The following ALDH18A1 variants were observed in gnomAD, a reference collection of about 807,000 sequenced individuals.
ALDH18A1 encodes delta-1-pyrroline-5-carboxylate synthase.
A neutral mutation model predicts 88.8 loss-of-function variants in ALDH18A1; 44 were observed. The ratio of observed to expected loss-of-function variants is 0.50; its 90% CI spans 0.39 to 0.64. The LOEUF (loss-of-function observed/expected upper bound fraction) is 0.64. Among genes scored for constraint, ALDH18A1 ranks in the 30% least tolerant of loss-of-function variants. ALDH18A1 has a pLI of 0.00. For synonymous variants in ALDH18A1, 331 were observed against 372.1 expected, an observed-to-expected ratio of 0.89 and a Z score of 1.27; for missense variants, 782 against 1,009.5, an observed-to-expected ratio of 0.77 and a Z score of 3.05.
intron 7 of ALDH18A1, among the ~76,000 whole-genome samples, chr10:95,631,932 TAAA>T (rs1047130052): frequency 6.6e-6 from 1 of 151,996 alleles, no homozygotes; most frequent in Non-Finnish European, 1.5e-5. Flanking sequence ...TTAGATGAAA[TAAA>T]AACATGTTCA....
At chr10:95,645,537 G>T (rs974697344) in intron 2 of ALDH18A1, among the ~76,000 whole-genome samples, 1 of 152,174 alleles carries the variant, frequency 6.6e-6, no homozygotes, top group African/African-American at 2.4e-5. Flanking sequence ...ATGGGAAGGC[G>T]ACTATGGGTT....
At chr10:95,610,347 G>C (rs1245538979) in intron 16 of ALDH18A1, 55 bp from the exon 17 acceptor site, 26 of 1,560,474 alleles carry the variant, frequency 1.7e-5, no homozygotes. Context: ...GAACATCCCT[G>C]TTTCCAGCCA....
chr10:95,635,853 A>G (rs1166950305), intron 5 of ALDH18A1, among the ~76,000 whole-genome samples: 2 of 152,176 alleles, frequency 1.3e-5, no homozygotes, highest in African/African-American at 2.4e-5. Flanking sequence ...CCAAAGCAAA[A>G]CCATAGCTCC....
At chr10:95,633,349 G>T in intron 6 of ALDH18A1, 142 bp downstream of exon 6, 1 of 1,061,696 alleles carries the variant, frequency 9.4e-7, no homozygotes, top group Non-Finnish European at 1.4e-6. Flanking sequence ...GTTCAGAAGA[G>T]CTTATGCAGT....
chr10:95,651,196 T>A (rs560000648), intron 2 of ALDH18A1, among the ~76,000 whole-genome samples: 12 of 152,150 alleles, frequency 7.9e-5, no homozygotes, highest in Admixed American at 1.3e-4. Context: ...CTGAAGAGGA[T>A]ATAAACACAT....
chr10:95,606,545 C>CT lies in ALDH18A1; in HGVS notation c.*216dup. On this transcript the variant is annotated 3_prime_UTR_variant, in exon 18 of 18. Coordinates refer to ENST00000371224, the MANE Select transcript of ALDH18A1 (RefSeq NM_002860.4). ...TTGGCAAAGTCCCTATCGGTAGCAA[C>CT]TATTTTCTTACTTTAAAAAAAAAGG... 2.1e-6 allele frequency: 3 copies of CT among 1,428,886 alleles called. No individual in the cohort carries two copies. In the East Asian group the frequency reaches 7.7e-5, roughly 37 times the overall value. 88.5% of individuals were successfully genotyped at this position (1,428,886 alleles called of 1,614,324 possible). A position where few individuals can be genotyped will look rare whatever the true frequency, so the allele number is the denominator to read the frequency against.
chr10:95,609,336 C>T (rs11188398), intron 17 of ALDH18A1, among the ~76,000 whole-genome samples: 42,089 of 152,176 alleles, frequency 0.28, 6,781 homozygotes, highest in Admixed American at 0.4. Context: ...GTACTTCTGG[C>T]TGGCCTGTTT....
At chr10:95,636,412 G>T (rs1303682396) in intron 5 of ALDH18A1, among the ~76,000 whole-genome samples, 1 of 151,952 alleles carries the variant, frequency 6.6e-6, no homozygotes, top group East Asian at 1.9e-4. Context: ...AGTTGATTAA[G>T]AATATAATTC....
intron 8 of ALDH18A1, 110 bp from the exon 9 acceptor site, chr10:95,627,696 A>G: frequency 7.7e-7 from 1 of 1,294,716 alleles, no homozygotes; most frequent in South Asian, 1.2e-5. Context: ...ACTTAAGTAT[A>G]TGAGAGAATG....
intron 13 of ALDH18A1, among the ~76,000 whole-genome samples, chr10:95,615,963 TAGTA>T (rs1566001500): frequency 6.6e-6 from 1 of 152,186 alleles, no homozygotes; most frequent in African/African-American, 2.4e-5. Context: ...GCCTTGCACA[TAGTA>T]GGTACTCAAC....
At chr10:95,652,349 G>T (rs985209067) in intron 2 of ALDH18A1, among the ~76,000 whole-genome samples, 14 of 152,162 alleles carry the variant, frequency 9.2e-5, no homozygotes, top group Admixed American at 7.9e-4. Context: ...GGGTATAAGG[G>T]ACCTTTTTGT....
In ALDH18A1 at chr10:95,628,362, T is replaced by G. The variant is rs748684284; in HGVS notation, c.933+6A>C. On this transcript the variant is annotated splice_donor_region_variant and intron_variant, in intron 8 of 17. Coordinates refer to ENST00000371224, the MANE Select transcript of ALDH18A1 (RefSeq NM_002860.4). Reference sequence around the variant, plus strand: ...GTTATAGGCAGTTAAGGCACCAGATTCTTACCTTGGCTTCCATGCCACCCA... The same window carrying G: ...GTTATAGGCAGTTAAGGCACCAGATGCTTACCTTGGCTTCCATGCCACCCA... The G allele has an allele frequency of 5.6e-6, 9 of 1,614,166 alleles. 1 individual carries two copies. The East Asian group carries it at 2.0e-4, about 36-fold the overall frequency.
intron 3 of ALDH18A1, among the ~76,000 whole-genome samples, chr10:95,641,621 C>T (rs745955267): frequency 2.0e-5 from 3 of 151,914 alleles, no homozygotes; most frequent in Non-Finnish European, 4.4e-5. Context: ...TCCAGCAATC[C>T]CCTTGTCTCA....
intron 17 of ALDH18A1, among the ~76,000 whole-genome samples, chr10:95,608,913 T>C (rs917393948): frequency 4.6e-5 from 7 of 152,228 alleles, no homozygotes; most frequent in Admixed American, 3.3e-4. Flanking sequence ...TTAGCTCTTG[T>C]TGCCCAGGCT....
chr10:95,653,955 G>A (rs2097914130), intron 1 of ALDH18A1, among the ~76,000 whole-genome samples: 1 of 152,164 alleles, frequency 6.6e-6, no homozygotes, highest in South Asian at 2.1e-4. Context: ...ACCCCTGGAA[G>A]GCAGTGGCAA....
At chr10:95,651,316 C>G (rs2097910059) in intron 2 of ALDH18A1, among the ~76,000 whole-genome samples, 1 of 152,132 alleles carries the variant, frequency 6.6e-6, no homozygotes, top group Non-Finnish European at 1.5e-5. Context: ...GTGACCACAT[C>G]AAATGACGGT....
chr10:95,634,447 T>G (rs2097876892), intron 5 of ALDH18A1, among the ~76,000 whole-genome samples: 1 of 152,222 alleles, frequency 6.6e-6, no homozygotes, highest in East Asian at 1.9e-4. Context: ...ATTCAGGGCC[T>G]GGCCATAGTA....
At chr10:95,638,304 T>C (rs534015471) in intron 3 of ALDH18A1, among the ~76,000 whole-genome samples, 10 of 152,300 alleles carry the variant, frequency 6.6e-5, no homozygotes, top group Non-Finnish European at 1.0e-4. Flanking sequence ...ATTACAGACA[T>C]GAGCCACCAT....
chr10:95,625,855 T>C (rs891990746), intron 10 of ALDH18A1, among the ~76,000 whole-genome samples: 7 of 152,142 alleles, frequency 4.6e-5, no homozygotes, highest in Non-Finnish European at 8.8e-5. Context: ...GTACTTTGAA[T>C]TAACATGTTA....
Sources: allele counts gnomAD v4.1 joint callset (sites outside exome capture counted in the v4.1 genomes callset), GRCh38; gene constraint gnomAD v4.1.1; transcripts MANE v1.5; gene names NCBI Gene and HGNC (gene_info 2026-07-23, HGNC 2026-07-21).